The following LRRC4C variants were observed in gnomAD, a reference collection of about 807,000 sequenced individuals.
LRRC4C encodes the protein leucine rich repeat containing 4C, also known as leucine-rich repeat-containing protein 4C.
A neutral mutation model predicts 33.6 loss-of-function variants in LRRC4C; 5 were observed. The ratio of observed to expected loss-of-function variants is 0.15; its 90% CI spans 0.08 to 0.31. The LOEUF is 0.31. Among genes scored for constraint, LRRC4C ranks in the 10% least tolerant of loss-of-function variants. LRRC4C has a pLI of 1.00. For synonymous variants in LRRC4C, 329 were observed against 302.0 expected (o/e 1.09, Z -0.93); for missense variants, 560 against 796.7 (o/e 0.70, Z 3.58).
intron 3 of LRRC4C, among the ~76,000 whole-genome samples, chr11:40,320,278 G>T (rs1945776436): frequency 6.6e-6 from 1 of 152,082 alleles, no homozygotes; most frequent in African/African-American, 2.4e-5. Flanking sequence ...GGCAGAGGTG[G>T]GTGGATCACG....
chr11:40,611,578 C>T lies in LRRC4C; in HGVS notation c.-270+36564G>A, dbSNP rs191033541. The stretch of plus-strand genomic sequence containing the variant: ...AAATAATCAACAGAGAAAAGGACAA[C>T]ATATAATATTGGAGATAATATTTGC... On this transcript the variant is annotated intron_variant, in intron 3 of 6. Transcript: ENST00000528697. Among the ~76,000 whole-genome samples, 613 of 151,818 alleles carry T rather than the reference C, an allele frequency of 4.0e-3. 4 individuals carry two copies. Among genetic ancestry groups the T allele is most frequent in the African/African-American group, 0.014 (584 of 41,478 alleles).
Position 41,313,599 on chromosome 11 carries a change from T to C in LRRC4C, c.-496+145832A>G, listed in dbSNP as rs868116797. 5.3e-5 allele frequency among the ~76,000 whole-genome samples: 8 copies of C among 152,312 alleles called. No individual in the cohort carries two copies. The South Asian group carries it at 1.0e-3, about 20-fold the overall frequency. On this transcript the variant is annotated intron_variant, in intron 1 of 6. Coordinates refer to ENST00000528697, the MANE Select transcript of LRRC4C (RefSeq NM_001258419.2). ...GCTCATTTACATAGTAATTCAGGGA[T>C]AGAGATAGTGCTTAGAATACAAATG... is the stretch of plus-strand genomic sequence containing the variant.
intron 3 of LRRC4C, among the ~76,000 whole-genome samples, chr11:40,591,564 C>G (rs1959061569): frequency 6.6e-6 from 1 of 152,196 alleles, no homozygotes; most frequent in East Asian, 1.9e-4. Context: ...ATTGTGTCCA[C>G]TTTACAGAGA....
intron 2 of LRRC4C, among the ~76,000 whole-genome samples, chr11:40,660,563 G>A (rs568331765): frequency 1.7e-4 from 26 of 152,244 alleles, no homozygotes; most frequent in Admixed American, 8.5e-4. Flanking sequence ...CCTATATCTC[G>A]TTGAGACATT....
intron 1 of LRRC4C, among the ~76,000 whole-genome samples, chr11:40,943,266 T>A (rs1958240789): frequency 6.6e-6 from 1 of 152,168 alleles, no homozygotes; most frequent in Admixed American, 6.6e-5. Context: ...GCAGGCAGGT[T>A]ATTTCCCCTC....
At chr11:40,308,276 G>T (rs1450297043) in intron 4 of LRRC4C, among the ~76,000 whole-genome samples, 1 of 152,162 alleles carries the variant, frequency 6.6e-6, no homozygotes, top group African/African-American at 2.4e-5. Flanking sequence ...CCAAGCTTAT[G>T]CATGGCCGCT....
At chr11:40,644,832 G>T (rs1483757062) in intron 3 of LRRC4C, among the ~76,000 whole-genome samples, 5 of 152,124 alleles carry the variant, frequency 3.3e-5, no homozygotes, top group Admixed American at 1.3e-4. Flanking sequence ...TGATAGAAAT[G>T]ACGTGTATTT....
chr11:40,950,468 T>C (rs114024059), intron 1 of LRRC4C, among the ~76,000 whole-genome samples: 3,040 of 152,188 alleles, frequency 0.02, 113 homozygotes, highest in African/African-American at 0.069. Context: ...ACCTGTGTTA[T>C]AGAACTGATG....
intron 2 of LRRC4C, among the ~76,000 whole-genome samples, chr11:40,802,462 T>C (rs950867477): frequency 6.8e-6 from 1 of 147,636 alleles, no homozygotes; most frequent in Non-Finnish European, 1.5e-5. Context: ...GAGCATTTAA[T>C]AAAACACCCA....
At chr11:40,527,134 A>G (rs1956083630) in intron 3 of LRRC4C, among the ~76,000 whole-genome samples, 1 of 152,202 alleles carries the variant, frequency 6.6e-6, no homozygotes, top group Non-Finnish European at 1.5e-5. Flanking sequence ...GGATATTGAC[A>G]AAAGTAGACA....
chr11:41,163,282 C>CTTTTTTTTTTTTTTTTTTTTT (rs1207086558), intron 1 of LRRC4C, among the ~76,000 whole-genome samples: 4 of 18,528 alleles, frequency 2.2e-4, no homozygotes, highest in African/African-American at 3.2e-4. Context: ...TTTACTGTAA[C>CTTTTTTTTTTTTTTTTTTTTT]TGTTTTTTTT....
intron 1 of LRRC4C, among the ~76,000 whole-genome samples, chr11:41,443,414 C>T (rs533735176): frequency 1.3e-5 from 2 of 152,032 alleles, no homozygotes; most frequent in African/African-American, 2.4e-5. Flanking sequence ...GGAGATGAGG[C>T]AGGAGGATCC....
chr11:40,819,564 T>A (rs1474004226), intron 2 of LRRC4C, among the ~76,000 whole-genome samples: 1 of 152,120 alleles, frequency 6.6e-6, no homozygotes, highest in African/African-American at 2.4e-5. Flanking sequence ...ATTGCATGGT[T>A]GGGGAAAATA....
chr11:40,992,533 C>A (rs1481136347), intron 1 of LRRC4C, among the ~76,000 whole-genome samples: 1 of 151,408 alleles, frequency 6.6e-6, no homozygotes, highest in Non-Finnish European at 1.5e-5. Flanking sequence ...TGACCCTTAT[C>A]AGATAGGTTT....
intron 1 of LRRC4C, among the ~76,000 whole-genome samples, chr11:41,369,313 A>G (rs1293407700): frequency 1.3e-5 from 2 of 152,162 alleles, no homozygotes; most frequent in Non-Finnish European, 2.9e-5. Context: ...GAAAGATGTT[A>G]AAAGAGTAAC....
Position 40,203,224 on chromosome 11 carries a change from G to T in LRRC4C, c.-96+38295C>A, listed in dbSNP as rs1291454299. On this transcript the variant is annotated intron_variant, in intron 5 of 6. Transcript: ENST00000528697. ...CCTTCAATTCCAATCAGTCTGAAATGATATGGATAGGCCGTGAGTTTAGTG... is the reference window on the plus strand; with the variant it reads ...CCTTCAATTCCAATCAGTCTGAAATTATATGGATAGGCCGTGAGTTTAGTG... Among the ~76,000 whole-genome samples, 3 of 152,134 alleles carry T rather than the reference G, an allele frequency of 2.0e-5. 1 individual carries two copies. In the East Asian group the frequency reaches 5.8e-4, roughly 29 times the overall value.
Position 41,088,039 on chromosome 11 carries a change from A to T in LRRC4C, c.-495-154316T>A, listed in dbSNP as rs139037333. Among the ~76,000 whole-genome samples, 40 of 152,270 alleles carry T rather than the reference A, an allele frequency of 2.6e-4. No individual in the cohort carries two copies. The East Asian group carries it at 7.3e-3, about 28-fold the overall frequency. The stretch of plus-strand genomic sequence containing the variant: ...ACATTAGCTGATTTAAGCAGAAAGG[A>T]TTTATTATAAGGTTGTAAATGGCTT... On this transcript the variant is annotated intron_variant, in intron 1 of 6. Coordinates refer to ENST00000528697, the MANE Select transcript of LRRC4C (RefSeq NM_001258419.2).
Position 40,564,583 on chromosome 11 carries a change from A to G in LRRC4C, c.-270+83559T>C, listed in dbSNP as rs72886923. Among the ~76,000 whole-genome samples, 546 of 152,270 alleles carry G rather than the reference A, an allele frequency of 3.6e-3. 2 individuals carry two copies. The highest frequency in any genetic ancestry group is 6.0e-3 in the Non-Finnish European group (406 of 68,018). ...GGGATTGCGCCAAATGCCAATTCCA[A>G]TCATACACTCTTGGATGTGGGACAT... On this transcript the variant is annotated intron_variant, in intron 3 of 6. Coordinates refer to ENST00000528697, the MANE Select transcript of LRRC4C (RefSeq NM_001258419.2).
chr11:41,404,735 T>C (rs1954164453), intron 1 of LRRC4C, among the ~76,000 whole-genome samples: 1 of 152,012 alleles, frequency 6.6e-6, no homozygotes, highest in African/African-American at 2.4e-5. Context: ...AAAATACAGG[T>C]ACTTTTCACA....
Sources: gnomAD v4.1 joint callset for allele counts (sites outside exome capture counted in the v4.1 genomes callset) on GRCh38, gnomAD v4.1.1 for gene constraint, MANE v1.5 for transcripts, NCBI Gene and HGNC (gene_info 2026-07-23, HGNC 2026-07-21) for gene names.